The following CYP2C18 variants were observed in gnomAD, a reference collection of about 807,000 sequenced individuals.
CYP2C18 encodes the protein cytochrome P450 2C18.
Under a neutral mutation model 41.3 loss-of-function variants are expected in CYP2C18, and 38 were observed. The ratio of observed to expected loss-of-function variants is 0.92; its 90% confidence interval spans 0.71 to 1.21. CYP2C18 has a LOEUF of 1.21. Ranked by LOEUF, CYP2C18 falls within the 50% of genes most tolerant of loss-of-function variation. The probability of loss-of-function intolerance (pLI) is 0.00; values close to 1 mark genes in which losing one functional copy is unlikely to be tolerated. For synonymous variants in CYP2C18, 236 were observed against 210.0 expected, an observed-to-expected ratio of 1.12 and a Z score of -1.07; for missense variants, 635 against 591.4, an observed-to-expected ratio of 1.07 and a Z score of -0.77.
intron 5 of CYP2C18, among the ~76,000 whole-genome samples, chr10:94,711,197 A>T (rs7099637): frequency 6.6e-6 from 1 of 151,902 alleles, no homozygotes; most frequent in Non-Finnish European, 1.5e-5. Context: ...TCATGTCTGT[A>T]GTGTCTCTTC....
chr10:94,733,380 C>T lies in CYP2C18; in HGVS notation c.1233C>T (p.His411=). 1 of 1,613,486 alleles carries T rather than the reference C, an allele frequency of 6.2e-7. No homozygotes were observed. The highest frequency in any genetic ancestry group is 8.5e-7 in the Non-Finnish European group (1 of 1,179,590). The change falls in exon 8 of 9, where the codon CAC becomes CAT. Residue 411 remains histidine (H), a synonymous_variant. Transcript: ENST00000285979. ...FPNPEMFDPG[H]FLDKSGNFKK... is the part of the protein sequence containing the mutation. The stretch of plus-strand genomic sequence containing the variant: ...ACCCAGAGATGTTTGACCCTGGCCA[C>T]TTTCTGGATAAGAGTGGCAACTTTA...
chr10:94,726,421 A>G (rs550670968), intron 7 of CYP2C18, among the ~76,000 whole-genome samples: 2 of 152,082 alleles, frequency 1.3e-5, no homozygotes, highest in African/African-American at 4.8e-5. Context: ...ACTCCCACTT[A>G]TAAGTGAGAA....
In CYP2C18 at chr10:94,683,965, A is replaced by G. The variant is rs1846835306; in HGVS notation, c.146A>G (p.Asp49Gly). The G allele has an allele frequency of 6.2e-7, 1 of 1,607,956 alleles. No homozygotes were observed. Among genetic ancestry groups the G allele is most frequent in the African/African-American group, 1.3e-5 (1 of 74,828 alleles). The change falls in exon 1 of 9, where the codon GAC (aspartate) becomes GGC (glycine). Residue 49 changes from aspartate to glycine, a missense_variant. Coordinates refer to ENST00000285979, the MANE Select transcript of CYP2C18 (RefSeq NM_000772.3). Reference sequence around the variant, plus strand: ...AATATCCTGCAGTTAGATGTTAAGGACATGAGCAAATCCTTAACCAATGTA... The same window carrying G: ...AATATCCTGCAGTTAGATGTTAAGGGCATGAGCAAATCCTTAACCAATGTA... ...IGNILQLDVKDMSKSLTNFSK... is the reference protein window; with the variant it reads ...IGNILQLDVKGMSKSLTNFSK...
chr10:94,688,728 AG>A (rs1199950045), intron 3 of CYP2C18, among the ~76,000 whole-genome samples: 13 of 152,186 alleles, frequency 8.5e-5, no homozygotes, highest in Non-Finnish European at 1.9e-4. Flanking sequence ...ATTGTGTCCC[AG>A]GCTTGGTTTG....
chr10:94,692,976 A>G (rs1006932210), intron 3 of CYP2C18, among the ~76,000 whole-genome samples: 1 of 152,002 alleles, frequency 6.6e-6, no homozygotes, highest in Non-Finnish European at 1.5e-5. Context: ...GAACACATGG[A>G]CACAGGAAGG....
At chr10:94,699,895 A>T (rs181756340) in intron 4 of CYP2C18, among the ~76,000 whole-genome samples, 1 of 152,334 alleles carries the variant, frequency 6.6e-6, no homozygotes, top group East Asian at 1.9e-4. Flanking sequence ...AAAGAGAATA[A>T]AACACCTAGG....
At position 94,697,247 on chromosome 10, in the gene CYP2C18, A is replaced by C. The variant is rs1006153459; in HGVS notation, c.642+2170A>C. Among the ~76,000 whole-genome samples the C allele has an allele frequency of 3.9e-5, 6 of 152,248 alleles. No individual in the cohort carries two copies. In the South Asian group the frequency reaches 6.2e-4, roughly 16 times the overall value. On this transcript the variant is annotated intron_variant, in intron 4 of 8. Coordinates refer to ENST00000285979, the MANE Select transcript of CYP2C18 (RefSeq NM_000772.3). Reference sequence around the variant, plus strand: ...GCCAGAGAGAAAGCTTGGGTTACCCACAAAGGGAAGCCCATCAGACTAACA... The same window carrying C: ...GCCAGAGAGAAAGCTTGGGTTACCCCCAAAGGGAAGCCCATCAGACTAACA...
chr10:94,732,344 G>A (rs1051555431), intron 7 of CYP2C18, among the ~76,000 whole-genome samples: 4 of 152,150 alleles, frequency 2.6e-5, no homozygotes, highest in Admixed American at 6.6e-5. Flanking sequence ...AGGCTGTGGA[G>A]AAAAGGGAAC....
intron 1 of CYP2C18, among the ~76,000 whole-genome samples, chr10:94,687,253 G>A (rs1013850646): frequency 6.6e-6 from 1 of 152,170 alleles, no homozygotes; most frequent in African/African-American, 2.4e-5. Context: ...TCATTTGGGT[G>A]ATTTAAAAAG....
rs1926706 is a variant in CYP2C18, at chr10:94,688,372, A to G, written c.481+98A>G. ...ACTTTTATGCATATTTATGGGGTACATGTAATATTTTGTTACATGCACAGA... is the reference window on the plus strand; with the variant it reads ...ACTTTTATGCATATTTATGGGGTACGTGTAATATTTTGTTACATGCACAGA... On this transcript the variant is annotated intron_variant, in intron 3 of 8. Transcript: ENST00000285979. 612,082 of 1,375,254 alleles carry G rather than the reference A, an allele frequency of 0.45. 140,740 individuals carry two copies. Among genetic ancestry groups the G allele is most frequent in the African/African-American group, 0.64 (43,411 of 67,574 alleles). 85.2% of individuals were successfully genotyped at this position (1,375,254 alleles called of 1,614,324 possible). A position where few individuals can be genotyped will look rare whatever the true frequency, so the allele number is the denominator to read the frequency against.
At chr10:94,689,895 CA>C (rs1468819909) in intron 3 of CYP2C18, among the ~76,000 whole-genome samples, 13 of 152,074 alleles carry the variant, frequency 8.5e-5, no homozygotes, top group Non-Finnish European at 1.2e-4. Context: ...CCAGAGCCCA[CA>C]GAAATTGTTC....
At position 94,683,760 on chromosome 10, in the gene CYP2C18, G is replaced by A; in HGVS notation, c.-60G>A. The stretch of plus-strand genomic sequence containing the variant: ...AGAATCACAGGTGGATTAGTAGGGA[G>A]TGTTATAAAAGCCTTGAAGTGAAAG... On this transcript the variant is annotated 5_prime_UTR_variant, in exon 1 of 9. It adds an upstream start codon to the 5' untranslated region. Coordinates refer to ENST00000285979, the MANE Select transcript of CYP2C18 (RefSeq NM_000772.3). 7.6e-7 allele frequency: 1 copy of A among 1,324,484 alleles called. No individual in the cohort carries two copies. The highest frequency in any genetic ancestry group is 1.0e-6 in the Non-Finnish European group (1 of 972,300). The allele number at this position is 1,324,484 out of a possible 1,614,324, so 82.0% of individuals were successfully genotyped here.
chr10:94,720,471 AC>A lies in CYP2C18; in HGVS notation c.896del (p.Thr299LysfsTer8). 1 of 1,613,482 alleles carries A rather than the reference AC, an allele frequency of 6.2e-7. No homozygotes were observed. Among genetic ancestry groups the A allele is most frequent in the Non-Finnish European group, 8.5e-7 (1 of 1,179,580 alleles). On this transcript the variant is annotated frameshift_variant, in exon 6 of 9. Transcript: ENST00000285979. LOFTEE classifies it high-confidence loss of function. Reference sequence around the variant, plus strand: ...TGTAACTGATATGTTTGGGGCTGGAACAGAGACAACGAGCACCACTCTGAGA... The same window carrying A: ...TGTAACTGATATGTTTGGGGCTGGAAAGAGACAACGAGCACCACTCTGAGA... ...ATVTDMFGAG[T>X]ETTSTTLRYG...
chr10:94,685,764 A>G (rs1221379420), intron 1 of CYP2C18, among the ~76,000 whole-genome samples: 1 of 152,092 alleles, frequency 6.6e-6, no homozygotes, highest in Non-Finnish European at 1.5e-5. Context: ...GTCTATTTTT[A>G]TGCTAATGCT....
At chr10:94,716,346 T>C (rs1162327043) in intron 5 of CYP2C18, among the ~76,000 whole-genome samples, 1 of 152,222 alleles carries the variant, frequency 6.6e-6, no homozygotes, top group Admixed American at 6.5e-5. Context: ...CTCTACACAC[T>C]GCTTTAAATG....
intron 5 of CYP2C18, among the ~76,000 whole-genome samples, chr10:94,717,025 A>G (rs1172801322): frequency 6.6e-6 from 1 of 151,358 alleles, no homozygotes; most frequent in African/African-American, 2.4e-5. Context: ...TTTGTTTTCC[A>G]TTTGCTTGGT....
At chr10:94,700,381 G>A (rs147175866) in intron 4 of CYP2C18, among the ~76,000 whole-genome samples, 1,844 of 152,272 alleles carry the variant, frequency 0.012, 52 homozygotes, top group African/African-American at 0.042. Flanking sequence ...ATGGGGAGAG[G>A]ATTCCCTATT....
Position 94,688,151 on chromosome 10 carries a change from T to C in CYP2C18, c.358T>C (p.Trp120Arg). 1 of 1,613,620 alleles carries C rather than the reference T, an allele frequency of 6.2e-7. No homozygotes were observed. The highest frequency in any genetic ancestry group is 1.1e-5 in the South Asian group (1 of 91,052). ...LGILFSNGKR[W>R]KEIRRFCLMT... Reference sequence around the variant, plus strand: ...AATCCTTTTCAGCAATGGAAAGAGATGGAAGGAGATCCGGCGTTTCTGCCT... The same window carrying C: ...AATCCTTTTCAGCAATGGAAAGAGACGGAAGGAGATCCGGCGTTTCTGCCT... Residue 120 changes from tryptophan (W) to arginine (R), a missense_variant, in exon 3 of 9, where the codon TGG (tryptophan) becomes CGG (arginine). Trp to Arg is a moderately radical substitution (Grantham distance 101). Transcript: ENST00000285979.
intron 1 of CYP2C18, among the ~76,000 whole-genome samples, chr10:94,685,024 T>TTTAATTAATTAA (rs113927077): frequency 1.3e-5 from 2 of 149,468 alleles, no homozygotes; most frequent in African/African-American, 5.0e-5. Context: ...CCTTTGCCCA[T>TTTAATTAATTAA]TTAATTAATT....
Sources: gnomAD v4.1 joint callset for allele counts (sites outside exome capture counted in the v4.1 genomes callset) on GRCh38, gnomAD v4.1.1 for gene constraint, MANE v1.5 for transcripts, NCBI Gene and HGNC (gene_info 2026-07-23, HGNC 2026-07-21) for gene names.